The following STOX2 variants were observed in gnomAD, a reference collection of about 807,000 sequenced individuals.
STOX2 encodes storkhead box 2.
In STOX2, 28 loss-of-function variants were observed where a neutral mutation model predicts 60.9. That is an observed-to-expected ratio of 0.46 (90% CI 0.34 to 0.63). STOX2 has a LOEUF of 0.63. Among genes scored for constraint, STOX2 ranks in the 30% least tolerant of loss-of-function variants. The pLI is 0.01. For missense variants in STOX2, 1,024 were observed against 1,187.7 expected (o/e 0.86, Z 2.03); for synonymous variants, 472 against 463.9 (o/e 1.02, Z -0.22).
At chr4:183,938,644 G>A (rs924754065) in intron 1 of STOX2, among the ~76,000 whole-genome samples, 17 of 134,120 alleles carry the variant, frequency 1.3e-4, no homozygotes, top group African/African-American at 4.1e-4. Flanking sequence ...ACTCCAACCC[G>A]GGCAACAGAG....
intron 1 of STOX2, among the ~76,000 whole-genome samples, chr4:183,975,692 A>C (rs1351313108): frequency 1.3e-5 from 2 of 152,194 alleles, no homozygotes; most frequent in Non-Finnish European, 2.9e-5. Flanking sequence ...TCAAAACCTA[A>C]AAAACTACAG....
chr4:183,843,129 C>G lies in STOX2; in HGVS notation c.364+45074C>G, dbSNP rs539710103. On this transcript the variant is annotated intron_variant, in intron 1 of 2. Coordinates refer to the STOX2 transcript ENST00000513034. ...CGCCACCGTACTCCACCCTGAGAGA[C>G]AGAGCGAGACTCCATCTCAAAAAAA... Among the ~76,000 whole-genome samples, 38 of 124,800 alleles carry G rather than the reference C, an allele frequency of 3.0e-4. No individual in the cohort carries two copies. The South Asian group carries it at 3.4e-3, about 11-fold the overall frequency. The allele number at this position is 124,800 out of a possible 152,430, so 81.9% of individuals were successfully genotyped here. A position where few individuals can be genotyped will look rare whatever the true frequency, so the allele number is the denominator to read the frequency against.
At chr4:183,855,887 T>A (rs1203101999) in intron 1 of STOX2, among the ~76,000 whole-genome samples, 1 of 152,182 alleles carries the variant, frequency 6.6e-6, no homozygotes, top group Non-Finnish European at 1.5e-5. Flanking sequence ...ACATTTGGCA[T>A]TTTAGCTGCC....
rs1742079252 is a variant in STOX2, at chr4:183,920,797, C to T, written c.166+13841C>T. ...TGAGCTCCTTAGTCGTCTTAATTGG[C>T]TTAGTGTTATCATGAGCTGCCAATC... On this transcript the variant is annotated intron_variant, in intron 1 of 3. Coordinates refer to ENST00000308497, the MANE Select transcript of STOX2 (RefSeq NM_020225.3). 1.3e-5 allele frequency among the ~76,000 whole-genome samples: 2 copies of T among 152,062 alleles called. 1 individual carries two copies. The highest frequency in any genetic ancestry group is 4.1e-4 in the South Asian group (2 of 4,824).
At position 183,856,763 on chromosome 4, in the gene STOX2, C is replaced by CT. The variant is rs1249634017; in HGVS notation, c.364+58714dup. Among the ~76,000 whole-genome samples, 3 of 152,136 alleles carry CT rather than the reference C, an allele frequency of 2.0e-5. No homozygotes were observed. Among genetic ancestry groups the CT allele is most frequent in the African/African-American group, 7.2e-5 (3 of 41,420 alleles). On this transcript the variant is annotated intron_variant, in intron 1 of 2. Coordinates refer to the STOX2 transcript ENST00000513034. This position sits in a 1 kb window ranked among gnomAD's most constrained non-coding sequence, Gnocchi z 4.0. ...GTGAAAGTGCTACTTTAAAAATAGT[C>CT]TTTTTTCAGTAGTGTCTGTTTAATA...
chr4:183,939,598 A>AT (rs1377155742), intron 1 of STOX2, among the ~76,000 whole-genome samples: 2,179 of 146,870 alleles, frequency 0.015, 56 homozygotes, highest in African/African-American at 0.05. Context: ...ATGGTCACAG[A>AT]TTTTTTTTTT....
Position 184,010,869 on chromosome 4 carries a change from C to T in STOX2, c.2031C>T (p.Asn677=), listed in dbSNP as rs375919276. 6.7e-5 allele frequency: 108 copies of T among 1,609,306 alleles called. No homozygotes were observed. Among genetic ancestry groups the T allele is most frequent in the Middle Eastern group, 3.3e-4 (2 of 6,066 alleles). ...ASGGVAEGIA[N]GRLVQHHGAE... ...GAGGAGTGGCTGAAGGGATCGCCAA[C>T]GGACGCCTCGTCCAGCACCATGGTG... Residue 677 remains asparagine (N), a synonymous_variant, in exon 3 of 4, where the codon AAC becomes AAT. Coordinates refer to ENST00000308497, the MANE Select transcript of STOX2 (RefSeq NM_020225.3). The surrounding 1 kb of genome is among the most constrained non-coding windows in gnomAD (Gnocchi z 4.5).
chr4:183,912,561 C>T (rs1238084006), intron 1 of STOX2, among the ~76,000 whole-genome samples: 5 of 152,146 alleles, frequency 3.3e-5, no homozygotes, highest in Admixed American at 2.6e-4. Context: ...GCTCCTATGC[C>T]CCCTTCTCTT....
rs1021222721 is a variant in STOX2, at chr4:183,906,783, T to G, written c.-8T>G. On this transcript the variant is annotated 5_prime_UTR_variant, in exon 1 of 4. Coordinates refer to ENST00000308497, the MANE Select transcript of STOX2 (RefSeq NM_020225.3). ...CGAGGATCGGGGCGGCAGGTCGCCC[T>G]CCCCACCATGAAGAAGACCCGGAGC... 1.3e-6 allele frequency: 2 copies of G among 1,521,122 alleles called. No individual in the cohort carries two copies. Among genetic ancestry groups the G allele is most frequent in the African/African-American group, 1.4e-5 (1 of 71,346 alleles). 94.2% of individuals were successfully genotyped at this position (1,521,122 alleles called of 1,614,324 possible).
At chr4:183,947,084 G>C (rs1296903291) in intron 1 of STOX2, among the ~76,000 whole-genome samples, 3 of 149,308 alleles carry the variant, frequency 2.0e-5, no homozygotes, top group Non-Finnish European at 3.0e-5. Context: ...CCTGGTGGGG[G>C]GTGGGGCAAG....
intron 1 of STOX2, among the ~76,000 whole-genome samples, chr4:183,819,607 AG>A (rs1394997548): frequency 5.5e-5 from 1 of 18,238 alleles, no homozygotes; most frequent in South Asian, 2.2e-3. Flanking sequence ...TGGGAGGGGG[AG>A]GGGGAGGAGG....
At chr4:183,813,549 G>A (rs111784658) in intron 1 of STOX2, among the ~76,000 whole-genome samples, 18 of 152,102 alleles carry the variant, frequency 1.2e-4, no homozygotes, top group East Asian at 3.8e-4. Context: ...GTGGATTTTC[G>A]TATTCTTGGT....
At chr4:183,916,889 A>G (rs6827111) in intron 1 of STOX2, among the ~76,000 whole-genome samples, 2,120 of 152,172 alleles carry the variant, frequency 0.014, 57 homozygotes, top group African/African-American at 0.048. Flanking sequence ...GCTTCCTCCT[A>G]GAGTTTAGAA....
In STOX2 at chr4:184,009,076, C is replaced by T. The variant is rs1174545840; in HGVS notation, c.320-82C>T. 3.6e-6 allele frequency: 4 copies of T among 1,112,398 alleles called. No individual in the cohort carries two copies. The highest frequency in any genetic ancestry group is 2.6e-5 in the East Asian group (1 of 39,012). 68.9% of individuals were successfully genotyped at this position (1,112,398 alleles called of 1,614,324 possible). On this transcript the variant is annotated intron_variant, in intron 2 of 3. Coordinates refer to ENST00000308497, the MANE Select transcript of STOX2 (RefSeq NM_020225.3). The surrounding 1 kb of genome is among the most constrained non-coding windows in gnomAD (Gnocchi z 4.0). ...TCTGTGATGGTACTTCGCATCTTGG[C>T]GAATGAATAGGATCCTGGAAATCAG... is the stretch of plus-strand genomic sequence containing the variant.
In STOX2 at chr4:184,010,389, C is replaced by T. The variant is rs775290789; in HGVS notation, c.1551C>T (p.Ser517=). The change falls in exon 3 of 4, where the codon AGC becomes AGT. Residue 517 remains serine (S), a synonymous_variant. Coordinates refer to ENST00000308497, the MANE Select transcript of STOX2 (RefSeq NM_020225.3). The surrounding 1 kb of genome is among the most constrained non-coding windows in gnomAD (Gnocchi z 4.5). ...CGGAAGACCTTGCTGAAGGCTGCAG[C>T]CAAGACGACCAGACCCCCAGCCAAT... ...GTPEDLAEGC[S]QDDQTPSQSY... The T allele has an allele frequency of 8.1e-6, 13 of 1,613,398 alleles. No individual in the cohort carries two copies. In the Admixed American group the frequency reaches 2.2e-4, roughly 27 times the overall value.
chr4:183,930,512 G>GTT, intron 1 of STOX2, among the ~76,000 whole-genome samples: 1 of 140,962 alleles, frequency 7.1e-6, no homozygotes, highest in East Asian at 2.0e-4. Context: ...TTTTTTTTTT[G>GTT]TTTTTTGTTT....
chr4:183,999,494 G>T (rs1041514153), intron 1 of STOX2, among the ~76,000 whole-genome samples: 1 of 152,110 alleles, frequency 6.6e-6, no homozygotes, highest in Non-Finnish European at 1.5e-5. Context: ...TGGCCACTGG[G>T]ACAACGTCTT....
In STOX2 at chr4:184,017,437, C is replaced by T. The variant is rs1008955479; in HGVS notation, c.*153C>T. 1 of 676,094 alleles carries T rather than the reference C, an allele frequency of 1.5e-6. No homozygotes were observed. The highest frequency in any genetic ancestry group is 2.2e-5 in the South Asian group (1 of 44,908). The allele number at this position is 676,094 out of a possible 1,614,324, so 41.9% of individuals were successfully genotyped here. A position where few individuals can be genotyped will look rare whatever the true frequency, so the allele number is the denominator to read the frequency against. On this transcript the variant is annotated 3_prime_UTR_variant, in exon 4 of 4. Transcript: ENST00000308497. ...GCTAAGTAGGGCTAGGGCAAAAAAA[C>T]AAAAAATCTTTATTTCAGAGTATTG...
intron 1 of STOX2, among the ~76,000 whole-genome samples, chr4:183,816,954 T>C (rs769200331): frequency 1.3e-5 from 2 of 152,238 alleles, no homozygotes; most frequent in Non-Finnish European, 2.9e-5. Context: ...ATTGGCTGAA[T>C]TGATGACTTC....
Sources: gnomAD v4.1 joint callset for allele counts (sites outside exome capture counted in the v4.1 genomes callset) on GRCh38, gnomAD v4.1.1 for gene constraint, Gnocchi (gnomAD v3.1) non-coding constraint, MANE v1.5 for transcripts, NCBI Gene and HGNC (gene_info 2026-07-23, HGNC 2026-07-21) for gene names.